L3MBTL4: variants seen among roughly 807,000 people sequenced by gnomAD.
The protein encoded by L3MBTL4 is lethal(3)malignant brain tumor-like protein 4.
In L3MBTL4, 70 loss-of-function variants were observed where a neutral mutation model predicts 84.5. The ratio of observed to expected loss-of-function variants is 0.83; its 90% CI spans 0.68 to 1.01. L3MBTL4 has a LOEUF of 1.01. Among genes scored for constraint, L3MBTL4 ranks in the 50% least tolerant of loss-of-function variants. The pLI is 0.00. For synonymous variants in L3MBTL4, 274 were observed against 259.8 expected, an observed-to-expected ratio of 1.05 and a Z score of -0.52; for missense variants, 715 against 754.8, an observed-to-expected ratio of 0.95 and a Z score of 0.62.
chr18:6,099,171 T>C (rs978975701), intron 14 of L3MBTL4, among the ~76,000 whole-genome samples: 1 of 152,170 alleles, frequency 6.6e-6, no homozygotes, highest in Non-Finnish European at 1.5e-5. Context: ...TTTCCCTCCC[T>C]GCCCTTTCAC....
At chr18:6,069,277 A>G (rs934221415) in intron 16 of L3MBTL4, among the ~76,000 whole-genome samples, 15 of 152,158 alleles carry the variant, frequency 9.9e-5, no homozygotes, top group Non-Finnish European at 2.1e-4. Flanking sequence ...GAGGTCACAT[A>G]GTCATTTTCT....
At chr18:6,313,326 C>A (rs2146962306) in intron 1 of L3MBTL4, among the ~76,000 whole-genome samples, 2 of 152,298 alleles carry the variant, frequency 1.3e-5, no homozygotes, top group Admixed American at 1.3e-4. Flanking sequence ...CATACATTAT[C>A]CTTTAGAATG....
chr18:6,167,562 A>G (rs969849732), intron 13 of L3MBTL4, among the ~76,000 whole-genome samples: 40 of 152,192 alleles, frequency 2.6e-4, no homozygotes, highest in African/African-American at 9.2e-4. Context: ...TATAAACAGA[A>G]CCAAAGACAA....
intron 4 of L3MBTL4, among the ~76,000 whole-genome samples, chr18:6,298,678 G>C (rs1283163484): frequency 6.6e-6 from 1 of 152,150 alleles, no homozygotes; most frequent in Non-Finnish European, 1.5e-5. Context: ...TTTGAGACCA[G>C]CCTGGCCGAT....
At chr18:6,298,169 C>T (rs970509888) in intron 4 of L3MBTL4, among the ~76,000 whole-genome samples, 9 of 152,142 alleles carry the variant, frequency 5.9e-5, no homozygotes, top group Non-Finnish European at 1.3e-4. Context: ...CTCAGTCTCC[C>T]CCATCCCACC....
chr18:6,404,031 CT>C (rs1318334384), intron 1 of L3MBTL4, among the ~76,000 whole-genome samples: 1 of 149,918 alleles, frequency 6.7e-6, no homozygotes, highest in Non-Finnish European at 1.5e-5. Context: ...TCACTTCTAA[CT>C]GAGAGATGAG....
chr18:6,116,452 C>G (rs904086383), intron 14 of L3MBTL4, among the ~76,000 whole-genome samples: 3 of 151,572 alleles, frequency 2.0e-5, no homozygotes, highest in African/African-American at 7.3e-5. Context: ...CAACCTCCGC[C>G]TCCCGGGTTC....
At chr18:6,341,428 A>C (rs577108140) in intron 1 of L3MBTL4, among the ~76,000 whole-genome samples, 1 of 152,192 alleles carries the variant, frequency 6.6e-6, no homozygotes, top group East Asian at 1.9e-4. Context: ...CAACAAAAAG[A>C]TACACACCTT....
At chr18:6,109,394 T>A (rs2059118209) in intron 14 of L3MBTL4, among the ~76,000 whole-genome samples, 1 of 152,118 alleles carries the variant, frequency 6.6e-6, no homozygotes, top group East Asian at 1.9e-4. Flanking sequence ...GAGGCTTGCA[T>A]TTCTCGTTTC....
chr18:6,334,928 C>T (rs954507128), intron 1 of L3MBTL4, among the ~76,000 whole-genome samples: 7 of 151,910 alleles, frequency 4.6e-5, no homozygotes, highest in South Asian at 2.1e-4. Context: ...CCTTTATATA[C>T]GTCCAAAATC....
At chr18:6,308,466 C>T (rs114996570) in intron 3 of L3MBTL4, among the ~76,000 whole-genome samples, 2,450 of 151,976 alleles carry the variant, frequency 0.016, 51 homozygotes, top group African/African-American at 0.055. Context: ...AAAGTATTCA[C>T]GTATAAAAAG....
chr18:6,305,783 C>G (rs2050559331), intron 3 of L3MBTL4, among the ~76,000 whole-genome samples: 2 of 152,196 alleles, frequency 1.3e-5, no homozygotes, highest in African/African-American at 4.8e-5. Flanking sequence ...CTGTTCCCTC[C>G]TGCTGGCACT....
chr18:5,986,432 G>A (rs1449597166), intron 16 of L3MBTL4, among the ~76,000 whole-genome samples: 1 of 152,174 alleles, frequency 6.6e-6, no homozygotes, highest in African/African-American at 2.4e-5. Context: ...TCGTCTCTAT[G>A]AAGTTTATAC....
intron 1 of L3MBTL4, among the ~76,000 whole-genome samples, chr18:6,338,689 A>T (rs1188159411): frequency 6.6e-6 from 1 of 152,072 alleles, no homozygotes; most frequent in Non-Finnish European, 1.5e-5. Context: ...TCTAATTAAA[A>T]AACCAAAATT....
intron 3 of L3MBTL4, among the ~76,000 whole-genome samples, chr18:6,304,711 A>G (rs999741613): frequency 1.5e-4 from 23 of 152,344 alleles, no homozygotes; most frequent in East Asian, 5.8e-4. Flanking sequence ...TTTCCATGGT[A>G]GCACTTTACC....
chr18:6,339,111 G>T (rs553114307), intron 1 of L3MBTL4, among the ~76,000 whole-genome samples: 6 of 152,020 alleles, frequency 3.9e-5, no homozygotes, highest in African/African-American at 1.4e-4. Context: ...CCCTTCCGCC[G>T]ACCCAAACAT....
chr18:6,096,885 T>C (rs1490704297), intron 14 of L3MBTL4, among the ~76,000 whole-genome samples: 1 of 152,218 alleles, frequency 6.6e-6, no homozygotes, highest in African/African-American at 2.4e-5. Context: ...TGGTTGATTA[T>C]GCATGGAGAC....
intron 1 of L3MBTL4, among the ~76,000 whole-genome samples, chr18:6,343,886 T>C (rs1347922289): frequency 6.6e-6 from 1 of 151,360 alleles, no homozygotes; most frequent in Non-Finnish European, 1.5e-5. Context: ...TATTAAAACT[T>C]ATGGGAGGCA....
chr18:6,172,381 T>A (rs1264983950), intron 12 of L3MBTL4, among the ~76,000 whole-genome samples: 1 of 151,914 alleles, frequency 6.6e-6, no homozygotes, highest in East Asian at 1.9e-4. Flanking sequence ...CAGATTAGAG[T>A]ATAAAGAAAC....
Sources: allele counts gnomAD v4.1 joint callset (sites outside exome capture counted in the v4.1 genomes callset), GRCh38; gene constraint gnomAD v4.1.1; transcripts MANE v1.5; gene names NCBI Gene and HGNC (gene_info 2026-07-23, HGNC 2026-07-21).